CAMK1D: variants seen among roughly 807,000 people sequenced by gnomAD.
The protein encoded by CAMK1D is calcium/calmodulin dependent protein kinase ID, also known as calcium/calmodulin-dependent protein kinase type 1D.
CAMK1D carries 9 observed loss-of-function variants against 47.7 expected under a neutral mutation model. That is an observed-to-expected ratio of 0.19 (90% confidence interval 0.11 to 0.33). The LOEUF is 0.33. Among genes scored for constraint, CAMK1D ranks in the 10% least tolerant of loss-of-function variants. CAMK1D has a pLI of 1.00. For synonymous variants in CAMK1D, 184 were observed against 184.9 expected (o/e 0.99, Z 0.04); for missense variants, 291 against 488.7 (o/e 0.60, Z 3.81).
intron 1 of CAMK1D, among the ~76,000 whole-genome samples, chr10:12,550,228 C>A (rs1836533297): frequency 6.6e-6 from 1 of 152,184 alleles, no homozygotes; most frequent in South Asian, 2.1e-4. Flanking sequence ...ATTAGGGACT[C>A]AAGTGGCCAA....
chr10:12,814,893 A>G (rs1239119641), intron 7 of CAMK1D, among the ~76,000 whole-genome samples: 10 of 152,198 alleles, frequency 6.6e-5, no homozygotes, highest in African/African-American at 1.9e-4. Flanking sequence ...ACGCTGAGAG[A>G]TGGGGACCCA....
At chr10:12,610,201 G>A (rs1392374577) in intron 2 of CAMK1D, among the ~76,000 whole-genome samples, 1 of 152,208 alleles carries the variant, frequency 6.6e-6, no homozygotes, top group Non-Finnish European at 1.5e-5. Flanking sequence ...GGTTCCAGCT[G>A]TCTCCAGAGC....
At chr10:12,409,180 A>G (rs1346612823) in intron 1 of CAMK1D, among the ~76,000 whole-genome samples, 2 of 151,938 alleles carry the variant, frequency 1.3e-5, no homozygotes, top group Admixed American at 6.5e-5. Context: ...TACCTTCTCC[A>G]TTCCTTATTT....
intron 10 of CAMK1D, among the ~76,000 whole-genome samples, chr10:12,827,034 G>A (rs1457705551): frequency 2.0e-5 from 3 of 152,220 alleles, no homozygotes; most frequent in South Asian, 2.1e-4. Context: ...GGGCTTCAGC[G>A]CAGCCTCTGA....
At chr10:12,384,902 A>G (rs1838444767) in intron 1 of CAMK1D, among the ~76,000 whole-genome samples, 1 of 152,248 alleles carries the variant, frequency 6.6e-6, no homozygotes, top group African/African-American at 2.4e-5. Context: ...GCTTGAATCT[A>G]CAATATGTTA....
At chr10:12,516,007 A>G (rs374410651) in intron 1 of CAMK1D, among the ~76,000 whole-genome samples, 72 of 152,312 alleles carry the variant, frequency 4.7e-4, no homozygotes, top group African/African-American at 1.3e-3. Context: ...CGTTGCATGT[A>G]TCAACAGTCT....
chr10:12,454,167 G>T (rs1181949441), intron 1 of CAMK1D, among the ~76,000 whole-genome samples: 1 of 151,992 alleles, frequency 6.6e-6, no homozygotes, highest in Non-Finnish European at 1.5e-5. Flanking sequence ...TAATTTTTTT[G>T]TTTGTTTGTT....
intron 2 of CAMK1D, among the ~76,000 whole-genome samples, chr10:12,659,802 A>C (rs959081114): frequency 6.6e-6 from 1 of 152,192 alleles, no homozygotes; most frequent in Non-Finnish European, 1.5e-5. Context: ...TGGGCTGCTT[A>C]GAGTGACAAT....
rs199659669 is a variant in CAMK1D, at chr10:12,392,936, ACACAAC to A, written c.92+43027_92+43032del. On this transcript the variant is annotated intron_variant, in intron 1 of 10. Transcript: ENST00000619168. ...TTCCTAGTTTTGAAAGTATACACAC[ACACAAC>A]ACACACACACATACCCTGATCTGGA... Among the ~76,000 whole-genome samples, 673 of 146,732 alleles carry A rather than the reference ACACAAC, an allele frequency of 4.6e-3. 4 individuals are homozygous for A. The highest frequency in any genetic ancestry group is 0.016 in the African/African-American group (639 of 40,484).
At chr10:12,576,155 A>G (rs1468549551) in intron 2 of CAMK1D, among the ~76,000 whole-genome samples, 1 of 152,194 alleles carries the variant, frequency 6.6e-6, no homozygotes, top group Non-Finnish European at 1.5e-5. Context: ...TGTTTCTTTG[A>G]TCGAATTATT....
Position 12,769,678 on chromosome 10 carries a change from A to G in CAMK1D, c.444A>G (p.Glu148=), listed in dbSNP as rs757852071. Reference sequence around the variant, plus strand: ...TTTTCTTATTTTCTTTCTAGCCCGAAAATCTCTTGTACTACAGTCAAGATG... The same window carrying G: ...TTTTCTTATTTTCTTTCTAGCCCGAGAATCTCTTGTACTACAGTCAAGATG... The part of the protein sequence containing the change: ...MGIVHRDLKP[E]NLLYYSQDEE... Residue 148 remains glutamate, a synonymous_variant, in exon 5 of 11, where the codon GAA becomes GAG. Transcript: ENST00000619168. 1.9e-5 allele frequency: 31 copies of G among 1,613,934 alleles called. No homozygotes were observed. Among genetic ancestry groups the G allele is most frequent in the Middle Eastern group, 1.7e-4 (1 of 6,060 alleles).
chr10:12,740,294 A>G (rs1031811129), intron 3 of CAMK1D, among the ~76,000 whole-genome samples: 2 of 152,162 alleles, frequency 1.3e-5, no homozygotes, highest in East Asian at 3.9e-4. Flanking sequence ...AGGGAGAGAG[A>G]CAAGATCAGA....
At chr10:12,423,610 G>C (rs1840130232) in intron 1 of CAMK1D, among the ~76,000 whole-genome samples, 1 of 152,182 alleles carries the variant, frequency 6.6e-6, no homozygotes, top group Admixed American at 6.5e-5. Context: ...TGAATATCCA[G>C]AACTCCCAGG....
intron 6 of CAMK1D, among the ~76,000 whole-genome samples, chr10:12,812,109 C>T (rs538922961): frequency 2.6e-5 from 4 of 152,352 alleles, no homozygotes; most frequent in East Asian, 1.9e-4. Flanking sequence ...TGGCGATGTG[C>T]GTCCCACGGG....
chr10:12,361,525 A>C (rs892563582), intron 1 of CAMK1D, among the ~76,000 whole-genome samples: 3 of 134,356 alleles, frequency 2.2e-5, no homozygotes, highest in Non-Finnish European at 4.6e-5. Flanking sequence ...GATTACAGGC[A>C]TGAGCCACTG....
chr10:12,629,032 C>T (rs562507130), intron 2 of CAMK1D, among the ~76,000 whole-genome samples: 7 of 152,234 alleles, frequency 4.6e-5, no homozygotes, highest in South Asian at 2.1e-4. Flanking sequence ...GTGTTGCTTC[C>T]GGGTCTGGGC....
intron 1 of CAMK1D, among the ~76,000 whole-genome samples, chr10:12,499,589 A>G (rs957110661): frequency 6.6e-6 from 1 of 152,146 alleles, no homozygotes; most frequent in Non-Finnish European, 1.5e-5. Context: ...GGATTTTATG[A>G]TAGGATTTGG....
chr10:12,727,447 A>G lies in CAMK1D; in HGVS notation c.300-33501A>G, dbSNP rs139322148. On this transcript the variant is annotated intron_variant, in intron 3 of 10. Coordinates refer to ENST00000619168, the MANE Select transcript of CAMK1D (RefSeq NM_153498.4). ...TGCCTAAGGAATTTGTGTTTTGACA[A>G]CGTTTGCACTGTGATTGAGAATAGT... Among the ~76,000 whole-genome samples the G allele has an allele frequency of 7.9e-4, 120 of 152,334 alleles. No homozygotes were observed. In the East Asian group the frequency reaches 0.016, roughly 20 times the overall value.
At chr10:12,450,805 G>C (rs887778811) in intron 1 of CAMK1D, among the ~76,000 whole-genome samples, 2 of 152,194 alleles carry the variant, frequency 1.3e-5, no homozygotes, top group Non-Finnish European at 2.9e-5. Flanking sequence ...CTAAATGCTG[G>C]GTCTATTGGG....
Sources: allele counts gnomAD v4.1 joint callset (sites outside exome capture counted in the v4.1 genomes callset), GRCh38; gene constraint gnomAD v4.1.1; transcripts MANE v1.5; gene names NCBI Gene and HGNC (gene_info 2026-07-23, HGNC 2026-07-21).